MACF1: variants seen among roughly 807,000 people sequenced by gnomAD.
MACF1 encodes the protein microtubule actin crosslinking factor 1.
MACF1 carries 193 observed loss-of-function variants against 854.8 expected under a neutral mutation model. The observed-to-expected ratio is 0.23, with a 90% confidence interval of 0.20 to 0.25. MACF1 has a LOEUF of 0.25. Among genes scored for constraint, MACF1 ranks in the 10% least tolerant of loss-of-function variants. The pLI is 1.00. For synonymous variants in MACF1, 3,185 were observed against 3,226.7 expected (o/e 0.99, Z 0.44); for missense variants, 7,722 against 8,929.1 (o/e 0.86, Z 5.45).
intron 58 of MACF1, among the ~76,000 whole-genome samples, chr1:39,416,504 A>C (rs1215404830): frequency 6.6e-6 from 1 of 152,164 alleles, no homozygotes; most frequent in Non-Finnish European, 1.5e-5. Context: ...AAAAAAAAAA[A>C]AACAGAATAT....
At chr1:39,272,730 G>C (rs1396083455) in intron 6 of MACF1, among the ~76,000 whole-genome samples, 1 of 152,158 alleles carries the variant, frequency 6.6e-6, no homozygotes, top group African/African-American at 2.4e-5. Context: ...TGCTAGTGTA[G>C]GGTTTAGATA....
chr1:39,334,365 T>C lies in MACF1; in HGVS notation c.7777T>C (p.Leu2593=). 1.2e-6 allele frequency: 2 copies of C among 1,614,068 alleles called. No homozygotes were observed. Among genetic ancestry groups the C allele is most frequent in the Non-Finnish European group, 1.7e-6 (2 of 1,179,998 alleles). The change falls in exon 37 of 101, where the codon TTG becomes CTG. Residue 2593 remains leucine (L), a synonymous_variant. Coordinates refer to ENST00000564288, the MANE Select transcript of MACF1 (RefSeq NM_001394062.1). ...TGTGGATCTCATTTCTGGTCAGAGATTGACCTTGGCAGAAGCTAAAAAAGA... is the reference window on the plus strand; with the variant it reads ...TGTGGATCTCATTTCTGGTCAGAGACTGACCTTGGCAGAAGCTAAAAAAGA... ...NFVDLISGQR[L]TLAEAKKEGL...
At chr1:39,201,795 T>G (rs1302949391), upstream of MACF1, among the ~76,000 whole-genome samples, 3 of 152,170 alleles carry the variant, frequency 2.0e-5, no homozygotes, top group African/African-American at 7.2e-5. Flanking sequence ...GTCTCTGGCC[T>G]CCTCTTCTGA....
intron 2 of MACF1, among the ~76,000 whole-genome samples, chr1:39,175,108 G>T (rs995190480): frequency 6.6e-6 from 1 of 151,978 alleles, no homozygotes; most frequent in African/African-American, 2.4e-5. Context: ...GACTTTCTTG[G>T]CTGCCTTCTC....
rs755591226 is a variant in MACF1 at position 39,233,808 on chromosome 1, T to TTTTTTTTTTTTTTTTTTTTA, written c.171+2565_171+2566insTTTTTTTTTTTTTTTTTTTA. 6.1e-5 allele frequency among the ~76,000 whole-genome samples: 4 copies of TTTTTTTTTTTTTTTTTTTTA among 65,772 alleles called. 1 individual carries two copies. Among genetic ancestry groups the TTTTTTTTTTTTTTTTTTTTA allele is most frequent in the African/African-American group, 4.3e-5 (1 of 23,418 alleles). The allele number at this position is 65,772 out of a possible 152,430, so 43.1% of individuals were successfully genotyped here. ...TTTTTTTTTTTTTTTATTTATTTTTTATTGATAATTCTTGGGTGTTTCTCA... is the reference window on the plus strand; with the variant it reads ...TTTTTTTTTTTTTTTATTTATTTTTTTTTTTTTTTTTTTTTTTTTAATTGATAATTCTTGGGTGTTTCTCA... On this transcript the variant is annotated intron_variant, in intron 2 of 100. Coordinates refer to ENST00000564288, the MANE Select transcript of MACF1 (RefSeq NM_001394062.1).
chr1:39,234,322 G>C (rs921307182), intron 2 of MACF1, among the ~76,000 whole-genome samples: 1 of 151,676 alleles, frequency 6.6e-6, no homozygotes, highest in Non-Finnish European at 1.5e-5. Context: ...CCCAGACGGG[G>C]TGGTGGCCGG....
chr1:39,432,778 T>A, intron 67 of MACF1, 124 bp downstream of exon 67: 1 of 1,146,622 alleles, frequency 8.7e-7, no homozygotes, highest in South Asian at 2.0e-5. Flanking sequence ...GAAATTAATT[T>A]TCTATGTATT....
chr1:39,403,151 G>A (rs574211265), intron 58 of MACF1, among the ~76,000 whole-genome samples: 45 of 151,924 alleles, frequency 3.0e-4, no homozygotes, highest in African/African-American at 1.1e-3. Context: ...AGGCTGGAGT[G>A]CAGTGGGTGC....
intron 61 of MACF1, among the ~76,000 whole-genome samples, chr1:39,426,815 C>T (rs1022628444): frequency 1.3e-5 from 2 of 151,412 alleles, no homozygotes; most frequent in African/African-American, 2.4e-5. Flanking sequence ...ATTCAGCCAG[C>T]GTGAGGTTTT....
chr1:39,452,259 A>G lies in MACF1; in HGVS notation c.20522A>G (p.Lys6841Arg). The G allele has an allele frequency of 6.2e-7, 1 of 1,614,210 alleles. No individual in the cohort carries two copies. The highest frequency in any genetic ancestry group is 8.5e-7 in the Non-Finnish European group (1 of 1,180,036). The change falls in exon 86 of 101, where the codon AAA becomes AGA. Residue 6841 changes from lysine to arginine, a missense_variant. Physicochemically the swap from Lys to Arg is conservative, Grantham distance 26. Transcript: ENST00000564288. ...ENSRDDTTWV[K>R]GQLQELSTRW... The stretch of plus-strand genomic sequence containing the variant: ...AGTCGAGATGACACCACTTGGGTAA[A>G]AGGACAGCTCCAGGAACTGAGCACT...
At chr1:39,406,581 A>G (rs532743439) in intron 58 of MACF1, among the ~76,000 whole-genome samples, 1 of 152,070 alleles carries the variant, frequency 6.6e-6, no homozygotes, top group South Asian at 2.1e-4. Context: ...TAAAAATACA[A>G]AAAATTAACT....
intron 31 of MACF1, 29 bp downstream of exon 31, chr1:39,319,776 T>C (rs909011080): frequency 6.7e-7 from 1 of 1,500,892 alleles, no homozygotes; most frequent in African/African-American, 1.4e-5. Context: ...AAAAAGAACA[T>C]GAATCATCAC....
intron 40 of MACF1, among the ~76,000 whole-genome samples, chr1:39,343,316 G>A (rs948844061): frequency 2.0e-5 from 3 of 152,134 alleles, no homozygotes; most frequent in Non-Finnish European, 4.4e-5. Context: ...CCAATCTTAA[G>A]AGAAGCAGAC....
intron 49 of MACF1, among the ~76,000 whole-genome samples, chr1:39,362,189 A>G (rs2148520539): frequency 6.6e-6 from 1 of 152,352 alleles, no homozygotes; most frequent in Middle Eastern, 3.4e-3. Flanking sequence ...GTCATAGTAT[A>G]TGCATATATT....
intron 2 of MACF1, among the ~76,000 whole-genome samples, chr1:39,153,620 A>G (rs763121379): frequency 1.2e-4 from 19 of 152,330 alleles, no homozygotes; most frequent in South Asian, 2.1e-4. Flanking sequence ...GGGTGGCCAC[A>G]GGGTGAGCAG....
At position 39,422,856 on chromosome 1, in the gene MACF1, T is replaced by A. The variant is rs766295910; in HGVS notation, c.16105T>A (p.Ser5369Thr). ...EELIANQKPP[S>T]AEYKVVKAQI... ...GCTCATAGCCAATCAGAAACCTCCA[T>A]CTGCTGAGTATAAAGTGGTGAAAGC... Residue 5369 changes from serine to threonine, a missense_variant, in exon 60 of 101, where the codon TCT becomes ACT. Around this residue, in one of 15 missense-constraint regions of MACF1, gnomAD observed 2,807 missense variants for 3,235.8 expected, o/e 0.87. Coordinates refer to ENST00000564288, the MANE Select transcript of MACF1 (RefSeq NM_001394062.1). 6.2e-7 allele frequency: 1 copy of A among 1,614,168 alleles called. No homozygotes were observed. Among genetic ancestry groups the A allele is most frequent in the Non-Finnish European group, 8.5e-7 (1 of 1,180,026 alleles).
intron 1 of MACF1, among the ~76,000 whole-genome samples, chr1:39,214,878 A>G (rs545537735): frequency 2.0e-5 from 3 of 152,298 alleles, no homozygotes; most frequent in South Asian, 2.1e-4. Flanking sequence ...TTGTTGGGCA[A>G]TGGATGCACT....
At chr1:39,325,556 T>C (rs1334633534) in intron 35 of MACF1, among the ~76,000 whole-genome samples, 3 of 152,248 alleles carry the variant, frequency 2.0e-5, no homozygotes, top group African/African-American at 7.2e-5. Context: ...TGGACTTAAC[T>C]ATGTTTTCGA....
intron 40 of MACF1, 51 bp from the exon 41 acceptor site, chr1:39,346,926 T>C: frequency 8.5e-7 from 1 of 1,177,036 alleles, no homozygotes; most frequent in Non-Finnish European, 1.3e-6. Context: ...AACTGAGAAA[T>C]GGAAGTATCA....
Sources: gnomAD v4.1 joint callset for allele counts (sites outside exome capture counted in the v4.1 genomes callset) on GRCh38, gnomAD v4.1.1 for gene constraint, gnomAD v4.1.1 regional missense constraint, MANE v1.5 for transcripts, NCBI Gene and HGNC (gene_info 2026-07-23, HGNC 2026-07-21) for gene names.